The following KDM3A variants were observed in gnomAD, a reference collection of about 807,000 sequenced individuals.
KDM3A encodes the protein lysine-specific demethylase 3A.
In KDM3A, 60 loss-of-function variants were observed where a neutral mutation model predicts 158.0. The ratio of observed to expected loss-of-function variants is 0.38; its 90% CI spans 0.31 to 0.47. KDM3A has a LOEUF of 0.47. Among genes scored for constraint, KDM3A ranks in the 20% least tolerant of loss-of-function variants. The pLI is 0.99. For missense variants in KDM3A, 1,319 were observed against 1,574.3 expected (o/e 0.84, Z 2.74); for synonymous variants, 608 against 549.3 (o/e 1.11, Z -1.49).
intron 17 of KDM3A, 136 bp from the exon 18 acceptor site, chr2:86,482,322 C>T: frequency 7.1e-7 from 1 of 1,401,846 alleles, no homozygotes; most frequent in Non-Finnish European, 9.7e-7. Context: ...CAAGTGGGGA[C>T]AGGGGACGTA....
At chr2:86,454,959 CT>C in intron 4 of KDM3A, 125 bp from the exon 5 acceptor site, 1 of 566,864 alleles carries the variant, frequency 1.8e-6, no homozygotes, top group Non-Finnish European at 3.1e-6. Flanking sequence ...ATGATTTGGG[CT>C]ATCACATGGT....
At chr2:86,471,373 GTA>G (rs374732697) in intron 11 of KDM3A, among the ~76,000 whole-genome samples, 5 of 151,332 alleles carry the variant, frequency 3.3e-5, no homozygotes, top group East Asian at 3.9e-4. Context: ...GTGTATATAT[GTA>G]TATATATGTG....
At chr2:86,446,700 ACT>A (rs1558602881) in intron 2 of KDM3A, among the ~76,000 whole-genome samples, 1 of 152,264 alleles carries the variant, frequency 6.6e-6, no homozygotes, top group Non-Finnish European at 1.5e-5. Context: ...ACAGATTGAG[ACT>A]CTGTCTCAAA....
chr2:86,475,056 T>TAA (rs1673601177), intron 12 of KDM3A, 66 bp downstream of exon 12: 3 of 1,246,102 alleles, frequency 2.4e-6, no homozygotes, highest in Non-Finnish European at 2.3e-6. Context: ...AAGTGACACC[T>TAA]AAGTCCTAAT....
chr2:86,474,742 T>TGTGTGTGTAAA, intron 11 of KDM3A, 34 bp from the exon 12 acceptor site: 4 of 1,083,104 alleles, frequency 3.7e-6, no homozygotes, highest in Non-Finnish European at 5.7e-6. Context: ...TGTGTGTGTG[T>TGTGTGTGTAAA]ACATTACATC....
intron 1 of KDM3A, 89 bp from the exon 2 acceptor site, chr2:86,441,929 C>T (rs562131913): frequency 3.8e-6 from 4 of 1,058,534 alleles, no homozygotes; most frequent in Non-Finnish European, 5.4e-6. Flanking sequence ...CGCGCGGGTT[C>T]GGCGCCCTCC....
At chr2:86,461,121 A>G (rs1672909754) in intron 8 of KDM3A, among the ~76,000 whole-genome samples, 1 of 152,160 alleles carries the variant, frequency 6.6e-6, no homozygotes, top group Non-Finnish European at 1.5e-5. Flanking sequence ...TGTAAAGTAT[A>G]CTTCATGGGA....
At chr2:86,459,371 A>T (rs1031130432) in intron 8 of KDM3A, among the ~76,000 whole-genome samples, 1 of 152,290 alleles carries the variant, frequency 6.6e-6, no homozygotes, top group South Asian at 2.1e-4. Context: ...AACGTTAGAG[A>T]AATTGTTGGC....
intron 11 of KDM3A, among the ~76,000 whole-genome samples, chr2:86,474,257 T>G (rs1673547165): frequency 6.6e-6 from 1 of 152,182 alleles, no homozygotes; most frequent in African/African-American, 2.4e-5. Context: ...AGCTTGTCTT[T>G]TGGGGAAAAA....
intron 4 of KDM3A, among the ~76,000 whole-genome samples, chr2:86,453,533 C>T (rs532446394): frequency 6.6e-6 from 1 of 152,174 alleles, no homozygotes; most frequent in Non-Finnish European, 1.5e-5. Flanking sequence ...CTTGCACTTT[C>T]GTTAAGCCCT....
At chr2:86,470,483 C>A in intron 11 of KDM3A, 75 bp downstream of exon 11, 3 of 1,252,122 alleles carry the variant, frequency 2.4e-6, no homozygotes, top group Admixed American at 1.8e-5. Context: ...ACTTTTGTTA[C>A]TCTTTTATCA....
At chr2:86,484,248 G>A (rs944010431) in intron 19 of KDM3A, 90 bp downstream of exon 19, 23 of 1,131,890 alleles carry the variant, frequency 2.0e-5, no homozygotes, top group Admixed American at 4.7e-5. Flanking sequence ...AGTGGCAGCC[G>A]CAGCATTTTC....
chr2:86,447,714 G>T (rs1683013704), intron 2 of KDM3A, among the ~76,000 whole-genome samples: 1 of 152,068 alleles, frequency 6.6e-6, no homozygotes, highest in African/African-American at 2.4e-5. Flanking sequence ...TCTTAACCTG[G>T]GGTGCAAGTT....
intron 23 of KDM3A, 105 bp downstream of exon 23, chr2:86,489,764 G>T: frequency 7.7e-7 from 1 of 1,293,520 alleles, no homozygotes. Flanking sequence ...GTCACAACCT[G>T]AAAAGTTAAA....
intron 8 of KDM3A, among the ~76,000 whole-genome samples, chr2:86,463,578 C>G (rs992339851): frequency 1.8e-4 from 28 of 152,186 alleles, no homozygotes; most frequent in Admixed American, 2.0e-4. Flanking sequence ...TATTGCATTG[C>G]AAAGGCTTAT....
chr2:86,459,934 A>G (rs948435774), intron 8 of KDM3A, among the ~76,000 whole-genome samples: 3 of 152,196 alleles, frequency 2.0e-5, no homozygotes, highest in Non-Finnish European at 2.9e-5. Flanking sequence ...TTAAAAATGT[A>G]CATTGCAGCT....
chr2:86,474,741 GTACAT>G (rs1277874614), intron 11 of KDM3A, 30 bp from the exon 12 acceptor site: 3 of 1,058,854 alleles, frequency 2.8e-6, no homozygotes, highest in South Asian at 1.3e-5. Flanking sequence ...GTGTGTGTGT[GTACAT>G]TACATCTTTT....
At chr2:86,491,817 T>G (rs568155646) in intron 25 of KDM3A, 2 of 548,182 alleles carry the variant, frequency 3.6e-6, no homozygotes, top group East Asian at 6.0e-5. Flanking sequence ...TATCAAAACC[T>G]CTAAAAGGGG....
intron 8 of KDM3A, among the ~76,000 whole-genome samples, chr2:86,460,174 C>A (rs951940907): frequency 6.6e-6 from 1 of 152,200 alleles, no homozygotes; most frequent in Admixed American, 6.5e-5. Flanking sequence ...TAAGGAAATA[C>A]TTTCCTTCTG....
Sources: allele counts gnomAD v4.1 joint callset (sites outside exome capture counted in the v4.1 genomes callset), GRCh38; gene constraint gnomAD v4.1.1; transcripts MANE v1.5; gene names NCBI Gene and HGNC (gene_info 2026-07-23, HGNC 2026-07-21).